EPHA3: variants seen among roughly 807,000 people sequenced by gnomAD.
EPHA3 encodes ephrin type-A receptor 3.
In EPHA3, 42 loss-of-function variants were observed where a neutral mutation model predicts 107.1. The observed-to-expected ratio is 0.39, with a 90% CI of 0.31 to 0.51. EPHA3 has a LOEUF of 0.51. Ranked by LOEUF, EPHA3 falls within the 20% of genes least tolerant of loss-of-function variation. EPHA3 has a pLI of 0.78. For missense variants in EPHA3, 1,183 were observed against 1,211.2 expected (o/e 0.98, Z 0.35); for synonymous variants, 461 against 424.8 (o/e 1.09, Z -1.05).
chr3:89,232,290 C>T (rs1001675985), intron 3 of EPHA3, among the ~76,000 whole-genome samples: 1 of 152,016 alleles, frequency 6.6e-6, no homozygotes, highest in Non-Finnish European at 1.5e-5. Flanking sequence ...AAGGAAGACT[C>T]ATTTCTGGCC....
intron 3 of EPHA3, among the ~76,000 whole-genome samples, chr3:89,338,193 C>G (rs1321097688): frequency 6.6e-6 from 1 of 152,192 alleles, no homozygotes; most frequent in Non-Finnish European, 1.5e-5. Context: ...TGAGCAAAAT[C>G]AGGATTCTGC....
chr3:89,433,828 T>A (rs1225930682), intron 13 of EPHA3, among the ~76,000 whole-genome samples: 1 of 152,178 alleles, frequency 6.6e-6, no homozygotes, highest in East Asian at 1.9e-4. Context: ...CAACAGTGCT[T>A]TTTAGTTCTC....
At chr3:89,301,139 A>C (rs1403297314) in intron 3 of EPHA3, among the ~76,000 whole-genome samples, 1 of 152,098 alleles carries the variant, frequency 6.6e-6, no homozygotes, top group Non-Finnish European at 1.5e-5. Flanking sequence ...TTTAGGGTTA[A>C]AAATACATGA....
chr3:89,234,844 TCC>T (rs1704718669), intron 3 of EPHA3, among the ~76,000 whole-genome samples: 1 of 136,218 alleles, frequency 7.3e-6, no homozygotes, highest in African/African-American at 2.8e-5. Flanking sequence ...TTTCTTTCCT[TCC>T]TTCCTTCCTC....
At chr3:89,279,640 C>A (rs1266286862) in intron 3 of EPHA3, among the ~76,000 whole-genome samples, 4 of 151,980 alleles carry the variant, frequency 2.6e-5, no homozygotes, top group African/African-American at 9.7e-5. Context: ...ATAAATATTT[C>A]TTCATAAGGC....
At chr3:89,280,586 G>A (rs1705919920) in intron 3 of EPHA3, among the ~76,000 whole-genome samples, 1 of 152,116 alleles carries the variant, frequency 6.6e-6, no homozygotes, top group African/African-American at 2.4e-5. Flanking sequence ...TTGGGTTTTA[G>A]TTGCATTGAG....
At chr3:89,350,895 C>T (rs1402897373) in intron 5 of EPHA3, among the ~76,000 whole-genome samples, 1 of 151,210 alleles carries the variant, frequency 6.6e-6, no homozygotes, top group Non-Finnish European at 1.5e-5. Context: ...GTCAGTGTGC[C>T]CCTGCTGGGG....
At chr3:89,381,592 C>G (rs1708510369) in intron 5 of EPHA3, among the ~76,000 whole-genome samples, 2 of 151,838 alleles carry the variant, frequency 1.3e-5, no homozygotes, top group African/African-American at 2.4e-5. Flanking sequence ...TCACTTGAAC[C>G]TGGGAGGCAG....
At chr3:89,185,413 T>C (rs1705540709) in intron 2 of EPHA3, among the ~76,000 whole-genome samples, 1 of 152,060 alleles carries the variant, frequency 6.6e-6, no homozygotes, top group African/African-American at 2.4e-5. Flanking sequence ...TTATATTTGA[T>C]ATATTAATAT....
intron 2 of EPHA3, among the ~76,000 whole-genome samples, chr3:89,190,426 A>T (rs1032263539): frequency 9.9e-5 from 15 of 152,268 alleles, no homozygotes; most frequent in Middle Eastern, 3.4e-3. Flanking sequence ...ACCTATAAAC[A>T]TAGGCTTTAT....
intron 5 of EPHA3, among the ~76,000 whole-genome samples, chr3:89,367,684 A>T (rs1158070305): frequency 1.3e-5 from 2 of 150,798 alleles, no homozygotes; most frequent in Admixed American, 1.3e-4. Flanking sequence ...ACAAAGATAG[A>T]TATATCTCCT....
intron 5 of EPHA3, among the ~76,000 whole-genome samples, chr3:89,351,282 A>G (rs1576329085): frequency 1.3e-5 from 2 of 151,412 alleles, no homozygotes; most frequent in South Asian, 2.1e-4. Flanking sequence ...CCGTGGGCGT[A>G]GGACCCTCTG....
chr3:89,260,264 C>A (rs1175774990), intron 3 of EPHA3, among the ~76,000 whole-genome samples: 2 of 152,196 alleles, frequency 1.3e-5, no homozygotes, highest in African/African-American at 4.8e-5. Flanking sequence ...ATGCTCTTTT[C>A]CACAATGGCT....
chr3:89,333,035 A>G (rs1707322285), intron 3 of EPHA3, among the ~76,000 whole-genome samples: 2 of 152,124 alleles, frequency 1.3e-5, no homozygotes, highest in South Asian at 2.1e-4. Context: ...CCCTTTCACT[A>G]TGGTAACTTT....
chr3:89,211,527 A>T (rs1472293831), intron 3 of EPHA3, among the ~76,000 whole-genome samples: 1 of 152,098 alleles, frequency 6.6e-6, no homozygotes, highest in African/African-American at 2.4e-5. Flanking sequence ...TCGCATAATC[A>T]GTCACTTTTC....
chr3:89,374,901 C>T (rs930273086), intron 5 of EPHA3, among the ~76,000 whole-genome samples: 1 of 151,740 alleles, frequency 6.6e-6, no homozygotes, highest in African/African-American at 2.4e-5. Context: ...AGTAATGCCA[C>T]TAAACCTCTA....
At chr3:89,374,995 C>T (rs1708376121) in intron 5 of EPHA3, among the ~76,000 whole-genome samples, 2 of 151,806 alleles carry the variant, frequency 1.3e-5, no homozygotes, top group Admixed American at 1.3e-4. Context: ...ATCTGTATCA[C>T]AGCTTACAAC....
chr3:89,123,359 T>C (rs1707433493), intron 1 of EPHA3, among the ~76,000 whole-genome samples: 1 of 152,166 alleles, frequency 6.6e-6, no homozygotes, highest in South Asian at 2.1e-4. Flanking sequence ...GCCAGGCTGG[T>C]CTTGAACTCC....
At chr3:89,211,296 A>G (rs769799017) in intron 3 of EPHA3, among the ~76,000 whole-genome samples, 1 of 152,140 alleles carries the variant, frequency 6.6e-6, no homozygotes, top group Non-Finnish European at 1.5e-5. Flanking sequence ...ATATAAAATT[A>G]TGTATATCAG....
Sources: allele counts gnomAD v4.1 joint callset (sites outside exome capture counted in the v4.1 genomes callset), GRCh38; gene constraint gnomAD v4.1.1; transcripts MANE v1.5; gene names NCBI Gene and HGNC (gene_info 2026-07-23, HGNC 2026-07-21).